Variants in SRBD1 observed in about 807,000 individuals in gnomAD.
SRBD1 encodes the protein S1 RNA binding domain 1.
A neutral mutation model predicts 115.3 loss-of-function variants in SRBD1; 88 were observed. That is an observed-to-expected ratio of 0.76 (90% CI 0.64 to 0.91). SRBD1 has a LOEUF of 0.91. SRBD1 is among the 40% of genes least tolerant of loss of function. The pLI, the probability that SRBD1 is intolerant of heterozygous loss-of-function variation, is 0.00. For synonymous variants in SRBD1, 509 were observed against 407.7 expected (o/e 1.25, Z -2.99); for missense variants, 1,385 against 1,177.4 (o/e 1.18, Z -2.58).
chr2:45,571,164 C>A (rs893280670), intron 9 of SRBD1, among the ~76,000 whole-genome samples: 4 of 152,080 alleles, frequency 2.6e-5, no homozygotes, highest in Admixed American at 6.6e-5. Flanking sequence ...TACGGCAGAG[C>A]TGTTAATGGC....
intron 16 of SRBD1, among the ~76,000 whole-genome samples, chr2:45,444,258 T>A (rs1354890489): frequency 6.6e-6 from 1 of 151,958 alleles, no homozygotes; most frequent in Non-Finnish European, 1.5e-5. Flanking sequence ...AAATTAAAAA[T>A]TACCTGGGTG....
At chr2:45,564,943 A>G (rs1672781570) in intron 9 of SRBD1, among the ~76,000 whole-genome samples, 2 of 152,234 alleles carry the variant, frequency 1.3e-5, no homozygotes, top group South Asian at 4.1e-4. Flanking sequence ...GAACAACTGT[A>G]CTATGAAAAC....
At chr2:45,505,336 G>A (rs1459679903) in intron 14 of SRBD1, among the ~76,000 whole-genome samples, 1 of 152,184 alleles carries the variant, frequency 6.6e-6, no homozygotes, top group Non-Finnish European at 1.5e-5. Flanking sequence ...AAGCTGCCTA[G>A]AGAGCACATT....
chr2:45,563,925 G>T (rs1035878825), intron 9 of SRBD1, among the ~76,000 whole-genome samples: 3 of 151,980 alleles, frequency 2.0e-5, no homozygotes, highest in African/African-American at 7.2e-5. Flanking sequence ...TATTAGAGAA[G>T]GAAAAACTTC....
At chr2:45,429,035 T>C (rs1379017585) in intron 16 of SRBD1, among the ~76,000 whole-genome samples, 1 of 152,012 alleles carries the variant, frequency 6.6e-6, no homozygotes. Flanking sequence ...GCAAATAAAC[T>C]AGAAAATCCA....
intron 14 of SRBD1, among the ~76,000 whole-genome samples, chr2:45,526,051 C>T (rs184826208): frequency 2.6e-5 from 4 of 152,114 alleles, no homozygotes; most frequent in Admixed American, 6.6e-5. Context: ...GGAAAACAGT[C>T]TGCAGTTCCC....
chr2:45,533,881 C>T (rs775134414), intron 14 of SRBD1, among the ~76,000 whole-genome samples: 6 of 151,938 alleles, frequency 3.9e-5, no homozygotes, highest in Non-Finnish European at 8.8e-5. Flanking sequence ...CTAACAAAAA[C>T]AATCAAGAAT....
chr2:45,474,652 G>C (rs757841803), intron 16 of SRBD1, among the ~76,000 whole-genome samples: 4 of 152,044 alleles, frequency 2.6e-5, no homozygotes, highest in African/African-American at 9.7e-5. Context: ...TGGCTCTACC[G>C]GGAACTGCAC....
intron 5 of SRBD1, 86 bp from the exon 6 acceptor site, chr2:45,581,896 A>T: frequency 9.3e-7 from 1 of 1,077,054 alleles, no homozygotes; most frequent in East Asian, 2.4e-5. Context: ...GAAAAGTTGC[A>T]GGTAAAGTAA....
At chr2:45,544,447 C>T (rs962026997) in intron 14 of SRBD1, among the ~76,000 whole-genome samples, 1 of 152,100 alleles carries the variant, frequency 6.6e-6, no homozygotes, top group Non-Finnish European at 1.5e-5. Context: ...AACTATATGG[C>T]TAATCAGAGG....
chr2:45,544,632 T>C (rs985650646), intron 14 of SRBD1, among the ~76,000 whole-genome samples: 3 of 152,216 alleles, frequency 2.0e-5, no homozygotes, highest in Admixed American at 1.3e-4. Flanking sequence ...ATAGACATTA[T>C]TACTATCCAA....
rs1670456372 is a variant in SRBD1 at position 45,496,271 on chromosome 2, A to G, written c.1875-7940T>C. Among the ~76,000 whole-genome samples, 4 of 152,336 alleles carry G rather than the reference A, an allele frequency of 2.6e-5. No individual in the cohort carries two copies. The East Asian group carries it at 7.7e-4, about 29-fold the overall frequency. On this transcript the variant is annotated intron_variant, in intron 14 of 20. Coordinates refer to ENST00000263736, the MANE Select transcript of SRBD1 (RefSeq NM_018079.5). ...ATTGCTATGGCATAGATTTTTTAGA[A>G]TAAAACATATTGCAAATTATTCTAC...
At chr2:45,504,367 C>T (rs1230799003) in intron 14 of SRBD1, among the ~76,000 whole-genome samples, 2 of 152,038 alleles carry the variant, frequency 1.3e-5, no homozygotes, top group Non-Finnish European at 2.9e-5. Context: ...ATTTTTTCAT[C>T]CAAATTCTTT....
intron 12 of SRBD1, among the ~76,000 whole-genome samples, chr2:45,548,159 A>C (rs1672181278): frequency 6.6e-6 from 1 of 151,878 alleles, no homozygotes; most frequent in Non-Finnish European, 1.5e-5. Flanking sequence ...AATAAAACTG[A>C]GCTAAGAGAC....
At chr2:45,543,183 G>C (rs1215487423) in intron 14 of SRBD1, among the ~76,000 whole-genome samples, 1 of 152,154 alleles carries the variant, frequency 6.6e-6, no homozygotes. Context: ...TGATAACTGA[G>C]ACTCAGCATG....
intron 16 of SRBD1, among the ~76,000 whole-genome samples, chr2:45,428,467 C>G (rs372637435): frequency 1.3e-5 from 2 of 152,040 alleles, no homozygotes; most frequent in South Asian, 4.1e-4. Flanking sequence ...AGGAGAATGG[C>G]GTGAACCCGG....
At chr2:45,610,048 C>T (rs925872772) in intron 1 of SRBD1, among the ~76,000 whole-genome samples, 1 of 152,214 alleles carries the variant, frequency 6.6e-6, no homozygotes, top group Non-Finnish European at 1.5e-5. Flanking sequence ...GCATTCATCT[C>T]TTTCTGAAGA....
intron 15 of SRBD1, among the ~76,000 whole-genome samples, chr2:45,483,200 T>C (rs560188932): frequency 4.5e-4 from 69 of 152,124 alleles, no homozygotes; most frequent in African/African-American, 1.6e-3. Flanking sequence ...AAAGTACACA[T>C]AGGGATTTTA....
intron 16 of SRBD1, among the ~76,000 whole-genome samples, chr2:45,434,269 T>G (rs1213847808): frequency 6.6e-6 from 1 of 152,222 alleles, no homozygotes; most frequent in East Asian, 1.9e-4. Context: ...ATAGCCTTAC[T>G]CAAGTCATGG....
Sources: gnomAD v4.1 joint callset for allele counts (sites outside exome capture counted in the v4.1 genomes callset) on GRCh38, gnomAD v4.1.1 for gene constraint, MANE v1.5 for transcripts, NCBI Gene and HGNC (gene_info 2026-07-23, HGNC 2026-07-21) for gene names.